The following SLMAP variants were observed in gnomAD, a reference collection of about 807,000 sequenced individuals.
SLMAP encodes sarcolemma associated protein, also known as sarcolemmal membrane-associated protein.
A neutral mutation model predicts 128.8 loss-of-function variants in SLMAP; 44 were observed. The ratio of observed to expected loss-of-function variants is 0.34; its 90% CI spans 0.27 to 0.44. The LOEUF is 0.44. SLMAP is among the 20% of genes least tolerant of loss of function. The pLI is 1.00. For missense variants in SLMAP, 787 were observed against 985.3 expected (o/e 0.80, Z 2.69); for synonymous variants, 327 against 348.8 (o/e 0.94, Z 0.70).
chr3:57,844,080 C>G (rs954840818), intron 4 of SLMAP, among the ~76,000 whole-genome samples: 1 of 133,938 alleles, frequency 7.5e-6, no homozygotes, highest in African/African-American at 2.8e-5. Flanking sequence ...GCACCTGGGC[C>G]AACCATTTTC....
chr3:57,792,300 ACAGT>A (rs1378762254), intron 2 of SLMAP, among the ~76,000 whole-genome samples: 1 of 151,996 alleles, frequency 6.6e-6, no homozygotes, highest in Non-Finnish European at 1.5e-5. Context: ...ATTAGCTGAA[ACAGT>A]CATTGTTAGA....
At position 57,763,422 on chromosome 3, in the gene SLMAP, A is replaced by G. The variant is rs117109929; in HGVS notation, c.198+5573A>G. On this transcript the variant is annotated intron_variant, in intron 2 of 24. Transcript: ENST00000671191. ...CCTGAGTAGCTGGGATTATAGGCAC[A>G]CACTACCACGCCCAGCTACTGTTTT... Among the ~76,000 whole-genome samples, 962 of 151,898 alleles carry G rather than the reference A, an allele frequency of 6.3e-3. 18 individuals are homozygous for G. In the East Asian group the frequency reaches 0.068, roughly 11 times the overall value.
In SLMAP at chr3:57,847,913, TC is replaced by T. The variant is rs570222619; in HGVS notation, c.456+682del. Among the ~76,000 whole-genome samples, 34 of 152,336 alleles carry T rather than the reference TC, an allele frequency of 2.2e-4. No homozygotes were observed. The East Asian group carries it at 6.0e-3, about 27-fold the overall frequency. Reference sequence around the variant, plus strand: ...TTAAAACTGAAGTTCTCTGTTAGACTCCTTTTTTAAAAGTAAAAGTGGTTAA... The same window carrying T: ...TTAAAACTGAAGTTCTCTGTTAGACTCTTTTTTAAAAGTAAAAGTGGTTAA... On this transcript the variant is annotated intron_variant, in intron 5 of 24. Transcript: ENST00000671191.
At chr3:57,866,543 G>T (rs1442150479) in intron 13 of SLMAP, among the ~76,000 whole-genome samples, 4 of 152,166 alleles carry the variant, frequency 2.6e-5, no homozygotes, top group African/African-American at 9.7e-5. Flanking sequence ...AATCATTGCT[G>T]TTTGACTATT....
intron 14 of SLMAP, among the ~76,000 whole-genome samples, chr3:57,875,548 A>C (rs1385778332): frequency 6.6e-6 from 1 of 152,178 alleles, no homozygotes; most frequent in Admixed American, 6.5e-5. Context: ...AAAAGAAAAT[A>C]AGTATTCCCA....
At chr3:57,783,720 A>G (rs2153463244) in intron 2 of SLMAP, among the ~76,000 whole-genome samples, 1 of 152,316 alleles carries the variant, frequency 6.6e-6, no homozygotes, top group South Asian at 2.1e-4. Flanking sequence ...GGAGCCAAGT[A>G]CTTATCATCA....
At chr3:57,799,259 A>C (rs778252286) in intron 2 of SLMAP, among the ~76,000 whole-genome samples, 3 of 152,224 alleles carry the variant, frequency 2.0e-5, no homozygotes, top group Non-Finnish European at 4.4e-5. Context: ...TAGCTAACCC[A>C]TTACAGGAGA....
In SLMAP at chr3:57,927,327, C is replaced by T. The variant is rs771357380; in HGVS notation, c.*38C>T. On this transcript the variant is annotated 3_prime_UTR_variant, in exon 25 of 25. Coordinates refer to ENST00000671191, the MANE Select transcript of SLMAP (RefSeq NM_001377540.1). ...TGGCCCTGGATGCCCATGTTGGCTG[C>T]CCTGGTTGCAGTAACAGCCATCGTG... The T allele has an allele frequency of 6.2e-7, 1 of 1,607,500 alleles. No individual in the cohort carries two copies. Among genetic ancestry groups the T allele is most frequent in the African/African-American group, 1.3e-5 (1 of 74,948 alleles).
At chr3:57,887,473 A>G (rs2095925904) in intron 14 of SLMAP, among the ~76,000 whole-genome samples, 1 of 152,132 alleles carries the variant, frequency 6.6e-6, no homozygotes, top group African/African-American at 2.4e-5. Context: ...CGGCCTCCCA[A>G]AGTGCTGGCA....
At chr3:57,796,430 G>A (rs971341441) in intron 2 of SLMAP, among the ~76,000 whole-genome samples, 2 of 152,152 alleles carry the variant, frequency 1.3e-5, no homozygotes, top group Non-Finnish European at 1.5e-5. Context: ...GGTGTGAATC[G>A]TGGCTGTGTC....
At chr3:57,762,869 C>T (rs914652162) in intron 2 of SLMAP, among the ~76,000 whole-genome samples, 14 of 152,038 alleles carry the variant, frequency 9.2e-5, no homozygotes, top group African/African-American at 3.4e-4. Context: ...GCATGAGCCA[C>T]CATGCCCAGA....
chr3:57,895,574 T>C (rs1575884043), intron 15 of SLMAP, among the ~76,000 whole-genome samples: 1 of 151,952 alleles, frequency 6.6e-6, no homozygotes, highest in Admixed American at 6.6e-5. Flanking sequence ...GACCTCATGA[T>C]CCATCCACCT....
chr3:57,831,308 C>T (rs2093324665), intron 2 of SLMAP, 75 bp from the exon 3 acceptor site: 4 of 1,102,102 alleles, frequency 3.6e-6, no homozygotes, highest in Non-Finnish European at 3.6e-6. Flanking sequence ...AAGCTGGAAG[C>T]ATTTTTTTAA....
At chr3:57,770,502 A>T (rs1419510433) in intron 2 of SLMAP, among the ~76,000 whole-genome samples, 1 of 152,222 alleles carries the variant, frequency 6.6e-6, no homozygotes, top group African/African-American at 2.4e-5. Flanking sequence ...ATTGGGGGGA[A>T]GAAAATAGAG....
At chr3:57,852,368 A>T (rs1048110846) in intron 6 of SLMAP, among the ~76,000 whole-genome samples, 1 of 152,224 alleles carries the variant, frequency 6.6e-6, no homozygotes, top group African/African-American at 2.4e-5. Flanking sequence ...ACACATTTGG[A>T]TTTTAATAGA....
intron 2 of SLMAP, among the ~76,000 whole-genome samples, chr3:57,763,223 T>G (rs2153431720): frequency 1.3e-5 from 2 of 152,270 alleles, no homozygotes; most frequent in Middle Eastern, 3.4e-3. Context: ...GTTTACTTAC[T>G]AGTGGTAGTA....
At chr3:57,925,016 A>G (rs552815016) in intron 23 of SLMAP, among the ~76,000 whole-genome samples, 4 of 148,386 alleles carry the variant, frequency 2.7e-5, no homozygotes, top group Non-Finnish European at 5.9e-5. Context: ...GTGCAGTGGC[A>G]TGATCTCACC....
chr3:57,757,925 T>G, intron 2 of SLMAP, 76 bp downstream of exon 2: 1 of 1,273,794 alleles, frequency 7.9e-7, no homozygotes, highest in South Asian at 1.3e-5. Context: ...AGAGGACTAA[T>G]GTATGCAGGA....
intron 2 of SLMAP, among the ~76,000 whole-genome samples, chr3:57,767,773 C>T (rs753143539): frequency 3.3e-5 from 5 of 151,986 alleles, no homozygotes; most frequent in Non-Finnish European, 7.4e-5. Context: ...TTTTTTCCCC[C>T]CAAAATGAAA....
Sources: gnomAD v4.1 joint callset for allele counts (sites outside exome capture counted in the v4.1 genomes callset) on GRCh38, gnomAD v4.1.1 for gene constraint, MANE v1.5 for transcripts, NCBI Gene and HGNC (gene_info 2026-07-23, HGNC 2026-07-21) for gene names.